TNS1: variants seen among roughly 807,000 people sequenced by gnomAD.
The protein encoded by TNS1 is tensin 1.
TNS1 carries 62 observed loss-of-function variants against 168.6 expected under a neutral mutation model. That is an observed-to-expected ratio of 0.37 (90% CI 0.30 to 0.45). The LOEUF (loss-of-function observed/expected upper bound fraction) is 0.45. TNS1 is among the 20% of genes least tolerant of loss of function. The probability of loss-of-function intolerance (pLI) is 1.00; values close to 1 mark genes in which losing one functional copy is unlikely to be tolerated. For missense variants in TNS1, 2,240 were observed against 2,339.4 expected (o/e 0.96, Z 0.88); for synonymous variants, 934 against 933.2 (o/e 1.00, Z -0.02).
At chr2:217,866,830 C>T (rs1366501510) in intron 18 of TNS1, among the ~76,000 whole-genome samples, 1 of 152,200 alleles carries the variant, frequency 6.6e-6, no homozygotes, top group East Asian at 1.9e-4. Flanking sequence ...CTCCAGGACA[C>T]AGGCACAGCA....
intron 3 of TNS1, among the ~76,000 whole-genome samples, chr2:217,958,347 A>T (rs149425421): frequency 5.8e-4 from 89 of 152,352 alleles, no homozygotes; most frequent in Middle Eastern, 3.4e-3. Context: ...GGAAGCTGAC[A>T]TGCAGTCCCA....
intron 18 of TNS1, 139 bp from the exon 19 acceptor site, chr2:217,849,226 T>A: frequency 2.8e-6 from 3 of 1,061,236 alleles, no homozygotes; most frequent in Non-Finnish European, 4.0e-6. Flanking sequence ...CACCCTGAGG[T>A]GGGGAAAAGG....
At chr2:217,894,217 C>T (rs569601624) in intron 9 of TNS1, among the ~76,000 whole-genome samples, 29 of 152,300 alleles carry the variant, frequency 1.9e-4, no homozygotes, top group Non-Finnish European at 3.2e-4. Flanking sequence ...CCTAATCCAG[C>T]CAGGCCACTT....
chr2:217,892,922 G>T, intron 11 of TNS1, 26 bp downstream of exon 11: 1 of 1,613,222 alleles, frequency 6.2e-7, no homozygotes, highest in Non-Finnish European at 8.5e-7. Context: ...ATGTTCAGAG[G>T]ATGGGAGGCT....
intron 1 of TNS1, among the ~76,000 whole-genome samples, chr2:218,021,920 C>G (rs972800697): frequency 1.3e-5 from 2 of 152,180 alleles, no homozygotes; most frequent in Non-Finnish European, 2.9e-5. Flanking sequence ...GAAGGGGCAC[C>G]GTGGCTGAGG....
chr2:218,027,918 T>G (rs934040), intron 1 of TNS1, among the ~76,000 whole-genome samples: 84,382 of 151,930 alleles, frequency 0.56, 25,375 homozygotes, highest in African/African-American at 0.77. Context: ...GGAATCAGGA[T>G]ACTCTCCAGG....
At position 217,848,948 on chromosome 2, in the gene TNS1, G is replaced by C. The variant is rs1218409718; in HGVS notation, c.1569C>G (p.His523Gln). The change falls in exon 19 of 33, where the codon CAC becomes CAG. Residue 523 changes from histidine to glutamine, a missense_variant. Physicochemically the swap from His to Gln is conservative, Grantham distance 24. Coordinates refer to ENST00000682258, the MANE Select transcript of TNS1 (RefSeq NM_001387777.1). ...CCGAGTCGCTGCTCACAGAAAGCGT[G>C]TGTTCCACGTGGTTGGGGGTGGCCG... ...TLSATPNHVE[H>Q]TLSVSSDSGN... is the part of the protein sequence containing the mutation. 6.2e-7 allele frequency: 1 copy of C among 1,614,154 alleles called. No homozygotes were observed.
At position 217,821,933 on chromosome 2, in the gene TNS1, G is replaced by A. The variant is rs779322372; in HGVS notation, c.3379C>T (p.Arg1127Trp). 55 of 1,583,722 alleles carry A rather than the reference G, an allele frequency of 3.5e-5. No individual in the cohort carries two copies. The highest frequency in any genetic ancestry group is 4.3e-5 in the Non-Finnish European group (50 of 1,165,148). Residue 1127 changes from arginine (R) to tryptophan (W), a missense_variant, in exon 23 of 33, where the codon CGG becomes TGG. Coordinates refer to ENST00000682258, the MANE Select transcript of TNS1 (RefSeq NM_001387777.1). ...CGTGCCACAGACTCCACATAGCTCC[G>A]GGGCTCTGGAAGGGGCAAGAGGACA... ...DILLHPTGEPRSYVESVARTA... is the reference protein window; with the variant it reads ...DILLHPTGEPWSYVESVARTA...
rs919494297 is a variant in TNS1 at position 217,800,102 on chromosome 2, C to G, written c.*4357G>C. Reference sequence around the variant, plus strand: ...CTTACATTTGTTCTCAATGATGGGTCTGAAGGGAGGAGAGAAATGGGGAAA... The same window carrying G: ...CTTACATTTGTTCTCAATGATGGGTGTGAAGGGAGGAGAGAAATGGGGAAA... On this transcript the variant is annotated 3_prime_UTR_variant, in exon 33 of 33. Coordinates refer to ENST00000682258, the MANE Select transcript of TNS1 (RefSeq NM_001387777.1). 9.2e-5 allele frequency: 14 copies of G among 152,160 alleles called. No individual in the cohort carries two copies. The highest frequency in any genetic ancestry group is 3.3e-4 in the Admixed American group (5 of 15,276). 9.4% of individuals were successfully genotyped at this position (152,160 alleles called of 1,614,324 possible). A position where few individuals can be genotyped will look rare whatever the true frequency, so the allele number is the denominator to read the frequency against.
chr2:218,028,249 C>A (rs764385971), intron 1 of TNS1, among the ~76,000 whole-genome samples: 28 of 152,304 alleles, frequency 1.8e-4, no homozygotes, highest in Non-Finnish European at 3.8e-4. Context: ...CTCCACCCCC[C>A]ATTCCCACAC....
rs142461252 is a variant in TNS1, at chr2:217,999,156, G to A, written c.33+3684C>T. 2.6e-5 allele frequency among the ~76,000 whole-genome samples: 4 copies of A among 152,228 alleles called. No homozygotes were observed. In the East Asian group the frequency reaches 5.8e-4, roughly 22 times the overall value. On this transcript the variant is annotated intron_variant, in intron 1 of 32. Coordinates refer to ENST00000682258, the MANE Select transcript of TNS1 (RefSeq NM_001387777.1). ...GTCATTCTCAGGGCTTGATTCCCACGGACCCCACATGTCCTGCCCCAAAGC... is the reference window on the plus strand; with the variant it reads ...GTCATTCTCAGGGCTTGATTCCCACAGACCCCACATGTCCTGCCCCAAAGC...
Position 217,821,868 on chromosome 2 carries a change from G to T in TNS1, c.3444C>A (p.Pro1148=). 6.3e-7 allele frequency: 1 copy of T among 1,588,674 alleles called. No individual in the cohort carries two copies. The highest frequency in any genetic ancestry group is 2.3e-5 in the East Asian group (1 of 43,574). Residue 1148 remains proline (P), a synonymous_variant, in exon 23 of 33, where the codon CCC becomes CCA. Coordinates refer to ENST00000682258, the MANE Select transcript of TNS1 (RefSeq NM_001387777.1). ...GGGTGGCTGGAGCACTAAAGCTCTT[G>T]GGCTCAGAGTCCTGAGCTCGGGGTC... ...VAGPRAQDSE[P]KSFSAPATQA...
At chr2:217,954,908 GC>G (rs1348348887) in intron 3 of TNS1, among the ~76,000 whole-genome samples, 14 of 152,052 alleles carry the variant, frequency 9.2e-5, no homozygotes, top group African/African-American at 3.4e-4. Flanking sequence ...CAGGCACATC[GC>G]CACACATACA....
At chr2:217,912,921 A>C (rs1372167332) in intron 4 of TNS1, among the ~76,000 whole-genome samples, 3 of 152,202 alleles carry the variant, frequency 2.0e-5, no homozygotes, top group African/African-American at 4.8e-5. Context: ...GGGCTCTAGA[A>C]GGAGCACTTT....
At chr2:217,839,454 G>A (rs1046470521) in intron 19 of TNS1, among the ~76,000 whole-genome samples, 4 of 152,028 alleles carry the variant, frequency 2.6e-5, no homozygotes, top group East Asian at 1.9e-4. Context: ...CCAGGGAGGC[G>A]TCACTCTTCT....
chr2:217,920,174 C>T (rs1955572606), intron 4 of TNS1, 21 bp downstream of exon 4: 1 of 702,926 alleles, frequency 1.4e-6, no homozygotes, highest in Non-Finnish European at 2.6e-6. Context: ...GCTTGCAGGG[C>T]AAGGAAGGGC....
chr2:217,959,741 T>A (rs1229488956), intron 3 of TNS1, among the ~76,000 whole-genome samples: 1 of 152,178 alleles, frequency 6.6e-6, no homozygotes, highest in Non-Finnish European at 1.5e-5. Context: ...TTCAAGGTTC[T>A]GATGAGACTG....
At chr2:217,892,715 T>C (rs1463791729) in intron 11 of TNS1, among the ~76,000 whole-genome samples, 2 of 152,002 alleles carry the variant, frequency 1.3e-5, no homozygotes, top group Non-Finnish European at 2.9e-5. Context: ...AGGGCCTGCC[T>C]CCCAAGGCTG....
chr2:217,884,454 A>G (rs949392545), intron 16 of TNS1, among the ~76,000 whole-genome samples: 2 of 152,184 alleles, frequency 1.3e-5, no homozygotes, highest in African/African-American at 4.8e-5. Flanking sequence ...GATAAAAGAA[A>G]GAAGCAAAAG....
Sources: gnomAD v4.1 joint callset for allele counts (sites outside exome capture counted in the v4.1 genomes callset) on GRCh38, gnomAD v4.1.1 for gene constraint, MANE v1.5 for transcripts, NCBI Gene and HGNC (gene_info 2026-07-23, HGNC 2026-07-21) for gene names.